The following KRT80 variants were observed in gnomAD, a reference collection of about 807,000 sequenced individuals.
KRT80 encodes keratin, type II cytoskeletal 80.
Under a neutral mutation model 51.5 loss-of-function variants are expected in KRT80, and 36 were observed. The ratio of observed to expected loss-of-function variants is 0.70; its 90% CI spans 0.54 to 0.92. The LOEUF (loss-of-function observed/expected upper bound fraction) is 0.92, where lower values mean the gene tolerates loss of function less well. Among genes scored for constraint, KRT80 ranks in the 40% least tolerant of loss-of-function variants. The pLI is 0.00. For missense variants in KRT80, 566 were observed against 591.7 expected (o/e 0.96, Z 0.45); for synonymous variants, 235 against 248.3 (o/e 0.95, Z 0.50).
intron 7 of KRT80, 139 bp downstream of exon 7, chr12:52,172,059 G>T (rs1941113935): frequency 1.1e-6 from 1 of 874,978 alleles, no homozygotes; most frequent in Non-Finnish European, 1.7e-6. Flanking sequence ...GTCCCAGTTT[G>T]TAAGTGACTA....
At chr12:52,191,353 A>T (rs1941478050) in intron 1 of KRT80, among the ~76,000 whole-genome samples, 1 of 152,172 alleles carries the variant, frequency 6.6e-6, no homozygotes, top group African/African-American at 2.4e-5. Context: ...CAGGTCATGC[A>T]GCATGTTATT....
intron 4 of KRT80, among the ~76,000 whole-genome samples, chr12:52,177,402 A>G (rs1253739862): frequency 6.6e-6 from 1 of 152,120 alleles, no homozygotes; most frequent in Non-Finnish European, 1.5e-5. Flanking sequence ...TTCCACAGCT[A>G]ATTTCCCTGG....
chr12:52,184,535 A>G (rs531835705), intron 2 of KRT80, among the ~76,000 whole-genome samples: 1 of 152,310 alleles, frequency 6.6e-6, no homozygotes, highest in Admixed American at 6.5e-5. Flanking sequence ...GCCAGTCACC[A>G]TGCCACACTC....
chr12:52,174,969 G>A (rs971691210), intron 4 of KRT80, among the ~76,000 whole-genome samples: 2 of 152,132 alleles, frequency 1.3e-5, no homozygotes, highest in African/African-American at 2.4e-5. Flanking sequence ...GAATTGCACC[G>A]AGTGAGTTGG....
rs995943548 is a variant in KRT80, at chr12:52,172,438, G to A, written c.958-20C>T. 3.8e-6 allele frequency: 6 copies of A among 1,599,890 alleles called. No individual in the cohort carries two copies. Among genetic ancestry groups the A allele is most frequent in the Non-Finnish European group, 5.1e-6 (6 of 1,170,164 alleles). On this transcript the variant is annotated intron_variant, in intron 6 of 8. Transcript: ENST00000394815. The stretch of plus-strand genomic sequence containing the variant: ...CAGGCACTGCAGCCAGGAGGACAGA[G>A]TGAAAGGGCCTGTGAGCAGGGGAAG...
chr12:52,184,408 G>A (rs1320868518), intron 2 of KRT80, among the ~76,000 whole-genome samples: 2 of 152,164 alleles, frequency 1.3e-5, no homozygotes, highest in African/African-American at 4.8e-5. Flanking sequence ...TAAGCAGCCC[G>A]AGTGACCAGC....
chr12:52,173,020 C>A lies in KRT80; in HGVS notation c.957+18G>T. 1 of 1,594,964 alleles carries A rather than the reference C, an allele frequency of 6.3e-7. No homozygotes were observed. Among genetic ancestry groups the A allele is most frequent in the Non-Finnish European group, 8.6e-7 (1 of 1,166,460 alleles). On this transcript the variant is annotated intron_variant, in intron 6 of 8. Coordinates refer to ENST00000394815, the MANE Select transcript of KRT80 (RefSeq NM_182507.3). Reference sequence around the variant, plus strand: ...CTGCTCTCCTCCCCGCCCCCAGGCGCGTCCCCCAGATACTCACATGGCTCT... The same window carrying A: ...CTGCTCTCCTCCCCGCCCCCAGGCGAGTCCCCCAGATACTCACATGGCTCT...
intron 3 of KRT80, 65 bp from the exon 4 acceptor site, chr12:52,180,673 T>TG (rs1458196647): frequency 5.7e-6 from 9 of 1,576,008 alleles, no homozygotes; most frequent in Non-Finnish European, 7.8e-6. Flanking sequence ...AGGAGTGGGC[T>TG]GGGGGGCTGC....
intron 2 of KRT80, among the ~76,000 whole-genome samples, chr12:52,182,268 G>T (rs554162627): frequency 2.0e-5 from 3 of 152,168 alleles, no homozygotes; most frequent in Non-Finnish European, 4.4e-5. Flanking sequence ...GGAATAACAG[G>T]TGCTGAGTGC....
rs1318434844 is a variant in KRT80, at chr12:52,191,739, A to T, written c.164T>A (p.Ile55Asn). 1.2e-6 allele frequency: 2 copies of T among 1,613,566 alleles called. No individual in the cohort carries two copies. The highest frequency in any genetic ancestry group is 2.2e-5 in the South Asian group (2 of 91,072). ...GCCGGGGTTCACAGTCACCTTGGAG[A>T]TAGTGCCAGCCGACCAGCAGCCTGT... ...SLTGCWSAGT[I>N]SKVTVNPGLL... The change falls in exon 1 of 9, where the codon ATC (isoleucine) becomes AAC (asparagine). Residue 55 changes from isoleucine (I) to asparagine (N), a missense_variant. By Grantham distance (149) the Ile-to-Asn change is moderately radical. Transcript: ENST00000394815.
intron 5 of KRT80, 94 bp downstream of exon 5, chr12:52,173,506 G>C: frequency 7.9e-7 from 1 of 1,271,048 alleles, no homozygotes; most frequent in Admixed American, 1.9e-5. Flanking sequence ...AGGACAGAGA[G>C]CTGCAGGCAA....
rs770363213 is a variant in KRT80, at chr12:52,172,390, G to A, written c.986C>T (p.Thr329Ile). The change falls in exon 7 of 9, where the codon ACA becomes ATA. Residue 329 changes from threonine to isoleucine, a missense_variant. Transcript: ENST00000394815. ...GGCCAGCTCACCCTGCTCCTCAGCT[G>A]TCTTGATGTTCTCCTCCAGTTTCAG... is the stretch of plus-strand genomic sequence containing the variant. ...HCLKLEENIKTAEEQGELAFQ... is the reference protein window; with the variant it reads ...HCLKLEENIKIAEEQGELAFQ... 2.5e-6 allele frequency: 4 copies of A among 1,613,604 alleles called. No individual in the cohort carries two copies. The South Asian group carries it at 4.4e-5, about 18-fold the overall frequency.
chr12:52,185,796 G>T, intron 1 of KRT80: 1 of 1,107,994 alleles, frequency 9.0e-7, no homozygotes. Flanking sequence ...ATCAGAGCAA[G>T]GTGGAGCCAA....
At position 52,173,148 on chromosome 12, in the gene KRT80, C is replaced by T. The variant is rs753236407; in HGVS notation, c.847G>A (p.Ala283Thr). 8.7e-6 allele frequency: 14 copies of T among 1,609,390 alleles called. No individual in the cohort carries two copies. Among genetic ancestry groups the T allele is most frequent in the East Asian group, 4.5e-5 (2 of 44,768 alleles). ...CTGCTCCCATACTCGGCCGAGCGGG[C>T]GGCCTGCTCCTCCAGCTGGAGGTAC... is the stretch of plus-strand genomic sequence containing the variant. ...YSRSQLEEQA[A>T]RSAEYGSSLQ... Residue 283 changes from alanine (A) to threonine (T), a missense_variant, in exon 6 of 9, where the codon GCC (alanine) becomes ACC (threonine). By Grantham distance (58) the Ala-to-Thr change is moderately conservative. Coordinates refer to ENST00000394815, the MANE Select transcript of KRT80 (RefSeq NM_182507.3).
intron 4 of KRT80, among the ~76,000 whole-genome samples, chr12:52,174,955 C>A (rs1294528725): frequency 1.3e-5 from 2 of 152,112 alleles, no homozygotes; most frequent in Non-Finnish European, 2.9e-5. Flanking sequence ...GGCGAGTCGA[C>A]TGAGAATTGC....
intron 1 of KRT80, among the ~76,000 whole-genome samples, chr12:52,189,318 C>A (rs888269033): frequency 1.3e-5 from 2 of 152,218 alleles, no homozygotes; most frequent in African/African-American, 4.8e-5. Flanking sequence ...CAGGCTCCTG[C>A]CTGGAAGGGG....
intron 4 of KRT80, among the ~76,000 whole-genome samples, chr12:52,179,128 T>A (rs1271343332): frequency 6.6e-6 from 1 of 152,214 alleles, no homozygotes; most frequent in Non-Finnish European, 1.5e-5. Flanking sequence ...GTTTTCAGAA[T>A]CTGCACTCCA....
chr12:52,185,521 A>G lies in KRT80; in HGVS notation c.367T>C (p.Ser123Pro). 2.5e-6 allele frequency: 4 copies of G among 1,613,566 alleles called. No individual in the cohort carries two copies. Among genetic ancestry groups the G allele is most frequent in the Non-Finnish European group, 3.4e-6 (4 of 1,180,024 alleles). ...TRWSFLQGQD[S>P]AIFDLGHLYE... ...AGATGCCCGAGGTCGAAGATGGCTG[A>G]GTCCTGGCCCTGCAGGAAGCTCCAG... The change falls in exon 2 of 9, where the codon TCA becomes CCA. Residue 123 changes from serine to proline, a missense_variant. Ser to Pro is a moderately conservative substitution (Grantham distance 74, BLOSUM62 -1). Coordinates refer to ENST00000394815, the MANE Select transcript of KRT80 (RefSeq NM_182507.3).
rs1238221827 is a variant in KRT80, at chr12:52,185,525, C to T, written c.363G>A (p.Gln121=). The change falls in exon 2 of 9, where the codon CAG becomes CAA. Residue 121 remains glutamine (Q), a synonymous_variant. Transcript: ENST00000394815. ...LETRWSFLQG[Q]DSAIFDLGHL... ...GCCCGAGGTCGAAGATGGCTGAGTC[C>T]TGGCCCTGCAGGAAGCTCCAGCGTG... 1.2e-6 allele frequency: 2 copies of T among 1,613,450 alleles called. No individual in the cohort carries two copies. Among genetic ancestry groups the T allele is most frequent in the South Asian group, 1.1e-5 (1 of 91,086 alleles).
Sources: allele counts gnomAD v4.1 joint callset (sites outside exome capture counted in the v4.1 genomes callset), GRCh38; gene constraint gnomAD v4.1.1; transcripts MANE v1.5; gene names NCBI Gene and HGNC (gene_info 2026-07-23, HGNC 2026-07-21).